FAAH2: variants seen among roughly 807,000 people sequenced by gnomAD.
FAAH2 encodes the protein fatty-acid amide hydrolase 2.
Under a neutral mutation model 36.9 loss-of-function variants are expected in FAAH2, and 60 were observed. That is an observed-to-expected ratio of 1.63 (90% confidence interval 1.32 to 2.02). The LOEUF is 2.02. Among genes scored for constraint, FAAH2 ranks in the 30% most tolerant of loss-of-function variants. The pLI is 0.00. For missense variants in FAAH2, 689 were observed against 397.5 expected, an observed-to-expected ratio of 1.73 and a Z score of -6.23; for synonymous variants, 214 against 143.8, an observed-to-expected ratio of 1.49 and a Z score of -3.49.
At chrX:57,226,003 C>T in the FAAH2 span, among the ~76,000 whole-genome samples, 5 of 112,010 alleles carry the variant, frequency 4.5e-5, no homozygotes, top group South Asian at 7.4e-4. Context: ...CCTTTTTGTA[C>T]GCCTTTACTT....
At chrX:57,468,860 TA>T (rs1382412896) in intron 10 of FAAH2, among the ~76,000 whole-genome samples, 1 of 111,654 alleles carries the variant, frequency 9.0e-6, no homozygotes, top group African/African-American at 3.3e-5. Flanking sequence ...AAGGTTGGGT[TA>T]CCCACAAAAG....
chrX:57,380,853 G>A, intron 6 of FAAH2, 59 bp from the exon 7 acceptor site: 1 of 720,486 alleles, frequency 1.4e-6, no homozygotes, highest in Non-Finnish European at 2.1e-6. Context: ...TGTCAGGATT[G>A]AACTATTAAG....
intron 7 of FAAH2, among the ~76,000 whole-genome samples, chrX:57,391,795 C>T (rs1466589352): frequency 9.1e-6 from 1 of 110,048 alleles, no homozygotes; most frequent in Non-Finnish European, 1.9e-5. Context: ...ATTTATTTGG[C>T]TCTTCAGGCT....
At position 57,488,901 on chromosome X, in the gene FAAH2, T is replaced by C. The variant is rs780505879; in HGVS notation, c.1568T>C (p.Phe523Ser). 1.4e-5 allele frequency: 17 copies of C among 1,208,585 alleles called. No individual in the cohort carries two copies. The highest frequency in any genetic ancestry group is 8.8e-5 in the South Asian group (5 of 56,661). Residue 523 changes from phenylalanine to serine, a missense_variant, in exon 11 of 11, where the codon TTT (phenylalanine) becomes TCT (serine). Phe to Ser is a radical substitution (Grantham distance 155, BLOSUM62 -2). Coordinates refer to ENST00000374900, the MANE Select transcript of FAAH2 (RefSeq NM_174912.4). ...GTGGCCCAGTACTTGGAGAAAACTT[T>C]TGGGGGCTGGGTCTGTCCAGGAAAG... ...LAVAQYLEKT[F>S]GGWVCPGKF
At chrX:57,417,444 A>G (rs1325287894) in intron 7 of FAAH2, among the ~76,000 whole-genome samples, 1 of 111,617 alleles carries the variant, frequency 9.0e-6, no homozygotes, top group African/African-American at 3.3e-5. Flanking sequence ...TGTTGATGCT[A>G]TCCCTTTTGG....
intron 7 of FAAH2, chrX:57,393,400 G>A: frequency 4.0e-6 from 3 of 755,158 alleles, no homozygotes; most frequent in Non-Finnish European, 6.2e-6. Context: ...GGGATTTGAT[G>A]TTAAGAAACT....
intron 5 of FAAH2, among the ~76,000 whole-genome samples, chrX:57,364,009 G>GTTTTTTTTT (rs59787885): frequency 2.4e-4 from 11 of 46,551 alleles, no homozygotes; most frequent in African/African-American, 2.6e-4. Context: ...GGCCTGTAGG[G>GTTTTTTTTT]TTTTTTTTTT....
intron 10 of FAAH2, among the ~76,000 whole-genome samples, chrX:57,459,254 G>T (rs2056916155): frequency 8.9e-6 from 1 of 112,171 alleles, no homozygotes; most frequent in South Asian, 3.7e-4. Flanking sequence ...GGCAAAAGCA[G>T]CTATGGCCAG....
intron 7 of FAAH2, among the ~76,000 whole-genome samples, chrX:57,390,020 G>T (rs2147263762): frequency 9.1e-6 from 1 of 109,853 alleles, no homozygotes; most frequent in Non-Finnish European, 1.9e-5. Context: ...CAGGTTGTTT[G>T]CCAATTTTTC....
At chrX:57,203,840 T>C in the FAAH2 span, among the ~76,000 whole-genome samples, 1 of 112,096 alleles carries the variant, frequency 8.9e-6, no homozygotes, top group Non-Finnish European at 1.9e-5. Context: ...AGTGTTCTTC[T>C]AGATGCTTTT....
At chrX:57,230,542 C>A in the FAAH2 span, among the ~76,000 whole-genome samples, 1 of 111,631 alleles carries the variant, frequency 9.0e-6, no homozygotes, top group African/African-American at 3.3e-5. Flanking sequence ...ACACTTCCTT[C>A]TATATTTGTT....
chrX:57,337,965 C>A lies in FAAH2; in HGVS notation c.623-3306C>A, dbSNP rs182084209. Among the ~76,000 whole-genome samples, 423 of 111,833 alleles carry A rather than the reference C, an allele frequency of 3.8e-3. 2 individuals carry two copies. The highest frequency in any genetic ancestry group is 6.5e-3 in the Non-Finnish European group (343 of 53,136). ...AATAGGAAGAGAGGAAGTCAAACTA[C>A]CTTTGCTTGCAGATTACATGATCAT... On this transcript the variant is annotated intron_variant, in intron 4 of 10. Transcript: ENST00000374900.
At chrX:57,152,520 T>C in the FAAH2 span, among the ~76,000 whole-genome samples, 3 of 112,471 alleles carry the variant, frequency 2.7e-5, no homozygotes, top group African/African-American at 9.7e-5. Context: ...GATCTCAGAC[T>C]GCTGTGCTAG....
At chrX:57,155,853 C>G in the FAAH2 span, among the ~76,000 whole-genome samples, 2 of 111,940 alleles carry the variant, frequency 1.8e-5, no homozygotes, top group African/African-American at 6.5e-5. Flanking sequence ...AGGGCTTTTC[C>G]TGCTTCTCCT....
At chrX:57,253,445 G>A in the FAAH2 span, among the ~76,000 whole-genome samples, 1 of 111,473 alleles carries the variant, frequency 9.0e-6, no homozygotes, top group Non-Finnish European at 1.9e-5. Flanking sequence ...TTTGAGAAGA[G>A]CAACCCCAAG....
intron 10 of FAAH2, among the ~76,000 whole-genome samples, chrX:57,452,725 A>T (rs770735339): frequency 8.9e-6 from 1 of 112,343 alleles, no homozygotes; most frequent in Non-Finnish European, 1.9e-5. Context: ...ATTCTCTCTC[A>T]AGCAAACCAG....
At chrX:57,122,769 T>C in the FAAH2 span, among the ~76,000 whole-genome samples, 1 of 111,803 alleles carries the variant, frequency 8.9e-6, no homozygotes, top group African/African-American at 3.2e-5. Context: ...GAGTCGGATG[T>C]TAACAGAACA....
intron 10 of FAAH2, among the ~76,000 whole-genome samples, chrX:57,471,268 A>G: frequency 8.9e-6 from 1 of 111,922 alleles, no homozygotes; most frequent in Non-Finnish European, 1.9e-5. Context: ...AGAGAAAGGA[A>G]TAAAGGGTAT....
At chrX:57,452,597 T>G (rs1408262387) in intron 10 of FAAH2, among the ~76,000 whole-genome samples, 1 of 112,659 alleles carries the variant, frequency 8.9e-6, no homozygotes, top group Non-Finnish European at 1.9e-5. Flanking sequence ...CCGCATTGAC[T>G]AGGACATTGC....
Sources: allele counts gnomAD v4.1 joint callset (sites outside exome capture counted in the v4.1 genomes callset), GRCh38; gene constraint gnomAD v4.1.1; transcripts MANE v1.5; gene names NCBI Gene and HGNC (gene_info 2026-07-23, HGNC 2026-07-21).